Variants in CFAP47 observed in about 807,000 individuals in gnomAD.
CFAP47 encodes cilia and flagella associated protein 47.
Under a neutral mutation model 148.1 loss-of-function variants are expected in CFAP47, and 29 were observed. That is an observed-to-expected ratio of 0.20 (90% CI 0.15 to 0.27). The LOEUF (loss-of-function observed/expected upper bound fraction) is 0.27. Ranked by LOEUF, CFAP47 falls within the 10% of genes least tolerant of loss-of-function variation. CFAP47 has a pLI of 1.00. For synonymous variants in CFAP47, 664 were observed against 577.3 expected (o/e 1.15, Z -2.15); for missense variants, 1,872 against 1,697.5 (o/e 1.10, Z -1.81).
In CFAP47 at chrX:36,330,077, C is replaced by T. The variant is rs782753264; in HGVS notation, c.8443+10770C>T. 8.1e-5 allele frequency among the ~76,000 whole-genome samples: 9 copies of T among 111,793 alleles called. No individual in the cohort carries two copies. In the South Asian group the frequency reaches 3.3e-3, roughly 42 times the overall value. On this transcript the variant is annotated intron_variant, in intron 57 of 63. Coordinates refer to ENST00000378653, the MANE Select transcript of CFAP47 (RefSeq NM_001304548.2). Reference sequence around the variant, plus strand: ...AGTATGTGTATTTTAGTACATTGAACACTTATATCCCAAACTTCTGTTAAA... The same window carrying T: ...AGTATGTGTATTTTAGTACATTGAATACTTATATCCCAAACTTCTGTTAAA...
chrX:36,340,914 C>G (rs1458815034), intron 57 of CFAP47, among the ~76,000 whole-genome samples: 2 of 111,064 alleles, frequency 1.8e-5, no homozygotes, highest in Non-Finnish European at 3.8e-5. Flanking sequence ...AAGTCACATT[C>G]TTGATCACTT....
chrX:36,089,545 A>C (rs1045305330), intron 30 of CFAP47, among the ~76,000 whole-genome samples: 1 of 111,575 alleles, frequency 9.0e-6, no homozygotes, highest in Admixed American at 9.5e-5. Flanking sequence ...GGTTGAAGGA[A>C]CATGGCTTTT....
intron 24 of CFAP47, 101 bp downstream of exon 24, chrX:36,035,955 T>C (rs1937333163): frequency 3.8e-6 from 1 of 265,931 alleles, no homozygotes; most frequent in Admixed American, 6.5e-5. Context: ...ATTTGTTATT[T>C]CTTTTAATTT....
chrX:36,293,606 T>C (rs1208317681), intron 51 of CFAP47, among the ~76,000 whole-genome samples: 1 of 111,997 alleles, frequency 8.9e-6, no homozygotes, highest in South Asian at 3.7e-4. Flanking sequence ...TCACATACAA[T>C]TGGAGAAAAC....
chrX:36,314,143 C>A (rs1941414925), intron 56 of CFAP47, among the ~76,000 whole-genome samples: 1 of 111,450 alleles, frequency 9.0e-6, no homozygotes, highest in South Asian at 3.8e-4. Flanking sequence ...GGAGAAAAGA[C>A]AGAGAATTGG....
rs374600042 is a variant in CFAP47, at chrX:36,079,708, G to C, written c.4692-5606G>C. Among the ~76,000 whole-genome samples, 111 of 111,560 alleles carry C rather than the reference G, an allele frequency of 9.9e-4. 2 individuals carry two copies. In the South Asian group the frequency reaches 0.039, roughly 39 times the overall value. ...AATTGTCAAAGCAACAATGGTACTG[G>C]GAAAACTGGCTAGCCATATGTAGAA... is the stretch of plus-strand genomic sequence containing the variant. On this transcript the variant is annotated intron_variant, in intron 29 of 63. Coordinates refer to ENST00000378653, the MANE Select transcript of CFAP47 (RefSeq NM_001304548.2).
In CFAP47 at chrX:35,930,463, G is replaced by A. The variant is rs1437738493; in HGVS notation, c.401+4295G>A. Reference sequence around the variant, plus strand: ...TGGTTTAGCTATCAGGATAGTGCCAGCCTCATAAAATGAATTTGGAAATGC... The same window carrying A: ...TGGTTTAGCTATCAGGATAGTGCCAACCTCATAAAATGAATTTGGAAATGC... On this transcript the variant is annotated intron_variant, in intron 2 of 63. Transcript: ENST00000378653. Among the ~76,000 whole-genome samples the A allele has an allele frequency of 4.5e-5, 5 of 110,848 alleles. No individual in the cohort carries two copies. The South Asian group carries it at 1.1e-3, about 25-fold the overall frequency.
At chrX:36,136,684 TATATC>T (rs1367289447) in intron 33 of CFAP47, among the ~76,000 whole-genome samples, 1 of 110,905 alleles carries the variant, frequency 9.0e-6, no homozygotes, top group Non-Finnish European at 1.9e-5. Flanking sequence ...AAGGTATACT[TATATC>T]AAAACACAAT....
intron 63 of CFAP47, among the ~76,000 whole-genome samples, chrX:36,380,087 A>G (rs1602139125): frequency 8.9e-6 from 1 of 112,397 alleles, no homozygotes; most frequent in East Asian, 2.8e-4. Flanking sequence ...TGCTCTATAA[A>G]GTTTCACACA....
intron 21 of CFAP47, among the ~76,000 whole-genome samples, chrX:36,005,616 G>T (rs1413314940): frequency 9.0e-6 from 1 of 111,666 alleles, no homozygotes; most frequent in Non-Finnish European, 1.9e-5. Flanking sequence ...TAACTATGTT[G>T]CAGTAAGTCT....
intron 27 of CFAP47, among the ~76,000 whole-genome samples, chrX:36,066,657 A>T (rs1026936260): frequency 1.8e-5 from 2 of 111,619 alleles, no homozygotes; most frequent in African/African-American, 6.5e-5. Context: ...CTTCTCAATC[A>T]AGTAACCTTG....
chrX:36,215,338 T>G lies in CFAP47; in HGVS notation c.6817+10228T>G, dbSNP rs111909445. On this transcript the variant is annotated intron_variant, in intron 45 of 63. Transcript: ENST00000378653. ...CCTGTTCCTGTTTGCTAAACTTTACTCCATGGCCCTAGCATTTAAGGTGGC... is the reference window on the plus strand; with the variant it reads ...CCTGTTCCTGTTTGCTAAACTTTACGCCATGGCCCTAGCATTTAAGGTGGC... Among the ~76,000 whole-genome samples the G allele has an allele frequency of 7.5e-4, 84 of 111,618 alleles. 1 individual carries two copies. The highest frequency in any genetic ancestry group is 2.7e-3 in the African/African-American group (84 of 30,688).
In CFAP47 at chrX:36,264,812, C is replaced by T. The variant is rs782248166; in HGVS notation, c.7444+13368C>T. Among the ~76,000 whole-genome samples, 9 of 111,881 alleles carry T rather than the reference C, an allele frequency of 8.0e-5. No individual in the cohort carries two copies. In the East Asian group the frequency reaches 2.5e-3, roughly 31 times the overall value. On this transcript the variant is annotated intron_variant, in intron 49 of 63. Transcript: ENST00000378653. ...GTTGCAGGGGAGATAATCAGTGGAG[C>T]CTTCTATTCTGCCGTCTTGCTCCAA...
At chrX:36,188,782 T>A (rs1363819304) in intron 41 of CFAP47, 92 bp downstream of exon 41, 3 of 285,201 alleles carry the variant, frequency 1.1e-5, no homozygotes, top group African/African-American at 8.3e-5. Flanking sequence ...CAGGGATGGT[T>A]ACAAGAATAG....
chrX:36,122,422 C>T (rs181892034), intron 33 of CFAP47, among the ~76,000 whole-genome samples: 5 of 111,217 alleles, frequency 4.5e-5, no homozygotes, highest in East Asian at 2.8e-4. Flanking sequence ...TCCTCTCTAA[C>T]GTCAGCAACT....
chrX:36,078,640 G>A (rs900080224), intron 29 of CFAP47, among the ~76,000 whole-genome samples: 1 of 110,848 alleles, frequency 9.0e-6, no homozygotes, highest in Admixed American at 9.6e-5. Flanking sequence ...CACACTGATG[G>A]GTCTTGACTC....
At chrX:36,020,975 GTGTATCTGT>G (rs1200767600) in intron 22 of CFAP47, among the ~76,000 whole-genome samples, 1 of 110,907 alleles carries the variant, frequency 9.0e-6, no homozygotes, top group African/African-American at 3.3e-5. Context: ...TTTATGTTTA[GTGTATCTGT>G]TGTATTTTTT....
intron 44 of CFAP47, among the ~76,000 whole-genome samples, chrX:36,201,816 CAAG>C (rs1939983778): frequency 9.1e-6 from 1 of 110,227 alleles, no homozygotes; most frequent in Non-Finnish European, 1.9e-5. Flanking sequence ...AGGCCCCACT[CAAG>C]AAAAATTAAA....
intron 59 of CFAP47, among the ~76,000 whole-genome samples, chrX:36,352,737 A>G (rs782260102): frequency 1.8e-5 from 2 of 110,433 alleles, no homozygotes; most frequent in African/African-American, 3.3e-5. Flanking sequence ...TATAATTGGT[A>G]GTTGTACATA....
Sources: allele counts gnomAD v4.1 joint callset (sites outside exome capture counted in the v4.1 genomes callset), GRCh38; gene constraint gnomAD v4.1.1; transcripts MANE v1.5; gene names NCBI Gene and HGNC (gene_info 2026-07-23, HGNC 2026-07-21).